Variants in AGBL4 observed in about 807,000 individuals in gnomAD.
AGBL4 encodes the protein AGBL carboxypeptidase 4.
Under a neutral mutation model 66.4 loss-of-function variants are expected in AGBL4, and 58 were observed. The observed-to-expected ratio is 0.87, with a 90% CI of 0.71 to 1.09. The LOEUF (loss-of-function observed/expected upper bound fraction) is 1.09, where lower values mean the gene tolerates loss of function less well. AGBL4 is among the 50% of genes least tolerant of loss of function. The pLI, the probability that AGBL4 is intolerant of heterozygous loss-of-function variation, is 0.00. For synonymous variants in AGBL4, 234 were observed against 222.9 expected, an observed-to-expected ratio of 1.05 and a Z score of -0.44; for missense variants, 579 against 631.0, an observed-to-expected ratio of 0.92 and a Z score of 0.88.
intron 3 of AGBL4, among the ~76,000 whole-genome samples, chr1:49,462,258 G>A (rs1570774417): frequency 6.6e-6 from 1 of 151,734 alleles, no homozygotes; most frequent in African/African-American, 2.4e-5. Context: ...CATGTATTAA[G>A]TATTTATTTA....
intron 5 of AGBL4, among the ~76,000 whole-genome samples, chr1:49,001,993 T>C (rs116806808): frequency 0.012 from 1,770 of 152,328 alleles, 30 homozygotes; most frequent in African/African-American, 0.041. Context: ...GTGGTAAATA[T>C]TGCATTAAGT....
At chr1:48,568,369 T>G (rs995860296) in intron 11 of AGBL4, among the ~76,000 whole-genome samples, 1 of 152,088 alleles carries the variant, frequency 6.6e-6, no homozygotes. Context: ...GACCAGAAGA[T>G]AGGGCTTTAG....
intron 6 of AGBL4, among the ~76,000 whole-genome samples, chr1:48,730,967 C>G (rs1195873052): frequency 6.6e-6 from 1 of 152,156 alleles, no homozygotes; most frequent in Non-Finnish European, 1.5e-5. Context: ...TTTTGTCTTT[C>G]CAAAGCAGCG....
intron 6 of AGBL4, among the ~76,000 whole-genome samples, chr1:48,699,362 CAATT>C (rs1325518871): frequency 2.0e-5 from 3 of 152,220 alleles, no homozygotes; most frequent in East Asian, 3.8e-4. Context: ...AGTAGGCACT[CAATT>C]AATTATCGTT....
At chr1:48,582,967 C>G (rs1644762120) in intron 11 of AGBL4, among the ~76,000 whole-genome samples, 3 of 152,158 alleles carry the variant, frequency 2.0e-5, no homozygotes, top group Admixed American at 1.3e-4. Context: ...ATGAAATATC[C>G]CTTGGGATTC....
At chr1:49,299,695 G>C (rs1217125711) in intron 3 of AGBL4, among the ~76,000 whole-genome samples, 1 of 152,024 alleles carries the variant, frequency 6.6e-6, no homozygotes, top group East Asian at 1.9e-4. Context: ...AGTTTTCAGG[G>C]GAGACATCTT....
rs142305359 is a variant in AGBL4 at position 48,902,286 on chromosome 1, T to A, written c.595-35056A>T. ...TTAATTATATCTCAATTAATTTTTTTAAAATAAAAAACCATAAACTAGATG... is the reference window on the plus strand; with the variant it reads ...TTAATTATATCTCAATTAATTTTTTAAAAATAAAAAACCATAAACTAGATG... On this transcript the variant is annotated intron_variant, in intron 5 of 13. Coordinates refer to ENST00000371839, the MANE Select transcript of AGBL4 (RefSeq NM_032785.4). Among the ~76,000 whole-genome samples the A allele has an allele frequency of 2.5e-3, 377 of 152,256 alleles. 1 individual carries two copies. Among genetic ancestry groups the A allele is most frequent in the African/African-American group, 8.9e-3 (368 of 41,540 alleles).
intron 8 of AGBL4, among the ~76,000 whole-genome samples, chr1:48,651,797 G>T (rs1645934765): frequency 6.6e-6 from 1 of 152,210 alleles, no homozygotes; most frequent in South Asian, 2.1e-4. Context: ...GCTGTCAGGA[G>T]ATCTGGTTCC....
At chr1:49,970,552 C>G (rs1000050192) in intron 1 of AGBL4, among the ~76,000 whole-genome samples, 3 of 151,838 alleles carry the variant, frequency 2.0e-5, no homozygotes, top group African/African-American at 7.3e-5. Flanking sequence ...AAAAATTAGC[C>G]AGGTGTGGTG....
chr1:48,629,525 A>G (rs751298970), intron 9 of AGBL4, among the ~76,000 whole-genome samples: 16 of 152,292 alleles, frequency 1.1e-4, no homozygotes, highest in Admixed American at 6.5e-4. Context: ...ATGTCTAAGT[A>G]CAGCTCCCAA....
chr1:49,380,928 C>G (rs377740274), intron 3 of AGBL4, among the ~76,000 whole-genome samples: 16 of 152,144 alleles, frequency 1.1e-4, no homozygotes, highest in African/African-American at 2.6e-4. Context: ...TCAGGACATA[C>G]GCATGGGCAA....
At chr1:49,596,003 A>C in intron 3 of AGBL4, among the ~76,000 whole-genome samples, 1 of 152,032 alleles carries the variant, frequency 6.6e-6, no homozygotes, top group South Asian at 2.1e-4. Context: ...AGAGACTGCC[A>C]CTCTAGCTTG....
At chr1:48,897,226 A>C (rs7540394) in intron 5 of AGBL4, among the ~76,000 whole-genome samples, 74,703 of 152,030 alleles carry the variant, frequency 0.49, 21,825 homozygotes, top group Non-Finnish European at 0.67. Flanking sequence ...TGTATGACCG[A>C]CAACATGCAA....
chr1:49,966,004 C>T (rs1571974742), intron 1 of AGBL4, among the ~76,000 whole-genome samples: 1 of 149,128 alleles, frequency 6.7e-6, no homozygotes, highest in Non-Finnish European at 1.5e-5. Flanking sequence ...TGCAGTGGCG[C>T]GATCTTGGCT....
At chr1:49,578,929 T>C (rs569357945) in intron 3 of AGBL4, among the ~76,000 whole-genome samples, 44 of 152,318 alleles carry the variant, frequency 2.9e-4, no homozygotes, top group Non-Finnish European at 4.7e-4. Flanking sequence ...GAGATTAACA[T>C]TTGAGTCAGA....
chr1:49,735,844 AT>A, intron 2 of AGBL4, among the ~76,000 whole-genome samples: 1 of 152,264 alleles, frequency 6.6e-6, no homozygotes, highest in East Asian at 1.9e-4. Context: ...AAGACAGAGT[AT>A]TTTTTAAATA....
At chr1:49,944,284 C>T (rs1047067948) in intron 1 of AGBL4, among the ~76,000 whole-genome samples, 1 of 152,086 alleles carries the variant, frequency 6.6e-6, no homozygotes, top group African/African-American at 2.4e-5. Flanking sequence ...ACTAAGGACC[C>T]CCACAGAGTC....
At chr1:49,277,447 A>G (rs979108058) in intron 3 of AGBL4, among the ~76,000 whole-genome samples, 7 of 152,148 alleles carry the variant, frequency 4.6e-5, no homozygotes, top group African/African-American at 1.7e-4. Flanking sequence ...AATTTGGACA[A>G]ACAAAGTCTT....
chr1:49,820,874 GT>G (rs913814688), intron 2 of AGBL4, among the ~76,000 whole-genome samples: 34 of 152,172 alleles, frequency 2.2e-4, no homozygotes, highest in African/African-American at 8.2e-4. Context: ...ACTTAGTCAA[GT>G]CACAACTTCT....
Sources: allele counts gnomAD v4.1 joint callset (sites outside exome capture counted in the v4.1 genomes callset), GRCh38; gene constraint gnomAD v4.1.1; transcripts MANE v1.5; gene names NCBI Gene and HGNC (gene_info 2026-07-23, HGNC 2026-07-21).